POLA1: variants seen among roughly 807,000 people sequenced by gnomAD.
The protein encoded by POLA1 is DNA polymerase alpha catalytic subunit.
A neutral mutation model predicts 124.0 loss-of-function variants in POLA1; 15 were observed. The ratio of observed to expected loss-of-function variants is 0.12; its 90% confidence interval spans 0.08 to 0.19. The LOEUF (loss-of-function observed/expected upper bound fraction) is 0.19. POLA1 is among the 10% of genes least tolerant of loss of function. POLA1 has a pLI of 1.00. For synonymous variants in POLA1, 408 were observed against 389.4 expected, an observed-to-expected ratio of 1.05 and a Z score of -0.56; for missense variants, 886 against 1,103.4, an observed-to-expected ratio of 0.80 and a Z score of 2.79.
chrX:24,795,133 G>T (rs1375107364), intron 26 of POLA1, among the ~76,000 whole-genome samples: 1 of 110,809 alleles, frequency 9.0e-6, no homozygotes, highest in Non-Finnish European at 1.9e-5. Context: ...AAACTTGATC[G>T]TTGAGAGCGC....
Position 24,717,635 on chromosome X carries a change from A to G in POLA1, c.964A>G (p.Ser322Gly), listed in dbSNP as rs946702782. The G allele has an allele frequency of 1.7e-6, 2 of 1,207,732 alleles. No individual in the cohort carries two copies. The highest frequency in any genetic ancestry group is 3.5e-5 in the African/African-American group (2 of 57,739). The part of the protein sequence containing the change: ...CWDIDQEGDS[S>G]FSVQEVQVDS... ...GGACATTGATCAAGAAGGTGATAGC[A>G]GTTTCTCAGTGCAAGAAGTTCAAGT... Residue 322 changes from serine to glycine, a missense_variant, in exon 10 of 37, where the codon AGT (serine) becomes GGT (glycine). By Grantham distance (56) the Ser-to-Gly change is moderately conservative (BLOSUM62 0). Around this residue, in one of 7 missense-constraint regions of POLA1, gnomAD observed 337 missense variants for 402.8 expected, o/e 0.84. Transcript: ENST00000379068.
At chrX:24,911,137 CAAAG>C (rs1046597944) in intron 35 of POLA1, among the ~76,000 whole-genome samples, 1 of 111,646 alleles carries the variant, frequency 9.0e-6, no homozygotes, top group Non-Finnish European at 1.9e-5. Flanking sequence ...AGTTATGGGT[CAAAG>C]AAGAGGTATT....
chrX:24,769,740 C>T (rs2044987545), intron 26 of POLA1, among the ~76,000 whole-genome samples: 1 of 111,475 alleles, frequency 9.0e-6, no homozygotes, highest in South Asian at 3.8e-4. Context: ...TGTGGAAGAG[C>T]TGAAAACATA....
chrX:24,712,829 C>T (rs749249785), intron 4 of POLA1, among the ~76,000 whole-genome samples: 2 of 112,373 alleles, frequency 1.8e-5, no homozygotes, highest in Non-Finnish European at 3.8e-5. Flanking sequence ...TAAAGTCCAT[C>T]TTTTCCTTAG....
intron 4 of POLA1, among the ~76,000 whole-genome samples, chrX:24,709,516 G>C (rs1360341657): frequency 9.1e-6 from 1 of 109,623 alleles, no homozygotes; most frequent in Non-Finnish European, 1.9e-5. Flanking sequence ...TCCCGGACGG[G>C]GTGGCTGCCG....
At chrX:24,733,001 A>C (rs977947327) in intron 16 of POLA1, among the ~76,000 whole-genome samples, 4 of 112,178 alleles carry the variant, frequency 3.6e-5, no homozygotes. Flanking sequence ...GATATATTCC[A>C]TGTTGAGAGC....
intron 26 of POLA1, among the ~76,000 whole-genome samples, chrX:24,783,565 C>G (rs2045306331): frequency 8.9e-6 from 1 of 111,920 alleles, no homozygotes; most frequent in Admixed American, 9.5e-5. Context: ...CTTTTATGGA[C>G]AAATTTAATT....
intron 35 of POLA1, among the ~76,000 whole-genome samples, chrX:24,918,362 G>T (rs896237617): frequency 9.9e-5 from 11 of 111,438 alleles, no homozygotes; most frequent in African/African-American, 3.3e-4. Flanking sequence ...AGCTTATAAG[G>T]GATATAACCT....
chrX:24,909,096 T>C (rs921745305), intron 35 of POLA1, among the ~76,000 whole-genome samples: 5 of 112,395 alleles, frequency 4.4e-5, no homozygotes, highest in Non-Finnish European at 7.5e-5. Flanking sequence ...GCTTATTTCT[T>C]GTAAATTTGT....
chrX:24,759,036 G>A (rs1477380691), intron 26 of POLA1, among the ~76,000 whole-genome samples: 1 of 111,423 alleles, frequency 9.0e-6, no homozygotes, highest in African/African-American at 3.3e-5. Context: ...GTGGGCACCC[G>A]CACCCCTCTC....
rs777382328 is a variant in POLA1 at position 24,742,060 on chromosome X, T to G, written c.2405T>G (p.Phe802Cys). The change falls in exon 22 of 37, where the codon TTT becomes TGT. Residue 802 changes from phenylalanine to cysteine, a missense_variant. Physicochemically the swap from Phe to Cys is radical, Grantham distance 205. Around this residue, in one of 7 missense-constraint regions of POLA1, gnomAD observed 182 missense variants for 252.8 expected, o/e 0.72. Transcript: ENST00000379068. Reference sequence around the variant, plus strand: ...AACGAGTTCTTGTTGCTTCATGCATTTTACGAAAACAACTATATTGTGCCT... The same window carrying G: ...AACGAGTTCTTGTTGCTTCATGCATGTTACGAAAACAACTATATTGTGCCT... ...ERNEFLLLHA[F>C]YENNYIVPDK... The G allele has an allele frequency of 8.3e-7, 1 of 1,203,063 alleles. No homozygotes were observed. The highest frequency in any genetic ancestry group is 1.1e-6 in the Non-Finnish European group (1 of 890,622).
At chrX:24,991,202 C>T (rs753695577) in intron 36 of POLA1, among the ~76,000 whole-genome samples, 2 of 109,375 alleles carry the variant, frequency 1.8e-5, no homozygotes, top group Non-Finnish European at 1.9e-5. Context: ...AACCTCCCCC[C>T]CCACACCCAC....
chrX:24,728,593 A>T (rs1930693161), intron 15 of POLA1, among the ~76,000 whole-genome samples: 1 of 111,949 alleles, frequency 8.9e-6, no homozygotes, highest in South Asian at 3.7e-4. Context: ...TTTTAATGAC[A>T]TTGAATAATT....
chrX:24,747,657 T>C (rs1932087490), intron 24 of POLA1, among the ~76,000 whole-genome samples: 3 of 111,143 alleles, frequency 2.7e-5, no homozygotes, highest in Admixed American at 1.9e-4. Context: ...AGTGTTTGTA[T>C]TTTAAAAACA....
chrX:24,824,982 A>G (rs953941147), intron 31 of POLA1, among the ~76,000 whole-genome samples: 2 of 111,643 alleles, frequency 1.8e-5, no homozygotes, highest in Non-Finnish European at 3.8e-5. Flanking sequence ...ACATTGCTGT[A>G]ATCTTAAGGG....
intron 2 of POLA1, among the ~76,000 whole-genome samples, chrX:24,702,560 T>A (rs1329258019): frequency 8.9e-6 from 1 of 111,985 alleles, no homozygotes; most frequent in Non-Finnish European, 1.9e-5. Flanking sequence ...CCTCTTGCAG[T>A]CAGGCAGCCA....
chrX:24,953,940 AGCAGCT>A (rs1225016688), intron 36 of POLA1, among the ~76,000 whole-genome samples: 66 of 112,264 alleles, frequency 5.9e-4, no homozygotes, highest in African/African-American at 2.1e-3. Context: ...TGCTCTGCTA[AGCAGCT>A]GCTAGAGTCC....
At chrX:24,707,036 C>T (rs1928859010) in intron 4 of POLA1, among the ~76,000 whole-genome samples, 1 of 111,909 alleles carries the variant, frequency 8.9e-6, no homozygotes, top group Admixed American at 9.5e-5. Context: ...AACCATCTTC[C>T]TGGTTCTGCC....
At chrX:24,896,388 G>C (rs2047205806) in intron 35 of POLA1, among the ~76,000 whole-genome samples, 1 of 112,362 alleles carries the variant, frequency 8.9e-6, no homozygotes, top group Non-Finnish European at 1.9e-5. Context: ...GGACGGCTTT[G>C]AATGCAGCCC....
Sources: allele counts gnomAD v4.1 joint callset (sites outside exome capture counted in the v4.1 genomes callset), GRCh38; gene constraint gnomAD v4.1.1; regional missense constraint gnomAD v4.1.1; transcripts MANE v1.5; gene names NCBI Gene and HGNC (gene_info 2026-07-23, HGNC 2026-07-21).